NFIB: variants seen among roughly 807,000 people sequenced by gnomAD.
NFIB encodes nuclear factor I B.
A neutral mutation model predicts 61.5 loss-of-function variants in NFIB; 11 were observed. The observed-to-expected ratio is 0.18, with a 90% CI of 0.11 to 0.30. The LOEUF is 0.30. Among genes scored for constraint, NFIB ranks in the 10% least tolerant of loss-of-function variants. The pLI is 1.00. For missense variants in NFIB, 471 were observed against 608.9 expected (o/e 0.77, Z 2.38); for synonymous variants, 260 against 216.5 (o/e 1.20, Z -1.76).
intron 2 of NFIB, among the ~76,000 whole-genome samples, chr9:14,227,903 A>G (rs1012636723): frequency 6.6e-6 from 1 of 152,184 alleles, no homozygotes; most frequent in African/African-American, 2.4e-5. Context: ...GAAGTAATTC[A>G]TGTCTTATTA....
At chr9:14,251,243 T>C (rs1196254934) in intron 2 of NFIB, among the ~76,000 whole-genome samples, 1 of 152,176 alleles carries the variant, frequency 6.6e-6, no homozygotes, top group Admixed American at 6.5e-5. Flanking sequence ...AGAACCTCCC[T>C]CCAAGCTTTC....
chr9:14,314,770 A>C (rs1588289590), upstream of NFIB, among the ~76,000 whole-genome samples: 2 of 122,888 alleles, frequency 1.6e-5, no homozygotes, highest in African/African-American at 3.1e-5. Flanking sequence ...AAGGTATCCT[A>C]CCGGTGCTAC....
At chr9:14,114,076 G>A (rs2037782788) in intron 9 of NFIB, among the ~76,000 whole-genome samples, 1 of 152,126 alleles carries the variant, frequency 6.6e-6, no homozygotes, top group African/African-American at 2.4e-5. Context: ...GATTAATGAG[G>A]AATCCAGGCT....
intron 1 of NFIB, among the ~76,000 whole-genome samples, chr9:14,375,645 C>G (rs2061410266): frequency 6.6e-6 from 1 of 150,884 alleles, no homozygotes; most frequent in African/African-American, 2.4e-5. Context: ...GCAAAAAGAG[C>G]AAAAACTCCA....
chr9:14,373,658 G>A (rs4008017), intron 1 of NFIB, among the ~76,000 whole-genome samples: 1 of 151,742 alleles, frequency 6.6e-6, no homozygotes, highest in Non-Finnish European at 1.5e-5. Context: ...GTGTGTGTGT[G>A]TGTGTGTGTG....
At chr9:14,333,273 T>A (rs2060843633) in intron 1 of NFIB, among the ~76,000 whole-genome samples, 1 of 152,254 alleles carries the variant, frequency 6.6e-6, no homozygotes, top group Admixed American at 6.5e-5. Context: ...TGAGAAGATT[T>A]GTGTGCATAG....
intron 1 of NFIB, among the ~76,000 whole-genome samples, chr9:14,369,729 A>G (rs780854652): frequency 1.8e-4 from 28 of 152,150 alleles, no homozygotes; most frequent in Non-Finnish European, 3.7e-4. Flanking sequence ...CTACCTCAAA[A>G]AAGGTTTTCA....
chr9:14,278,460 T>C (rs2058153528), intron 2 of NFIB, among the ~76,000 whole-genome samples: 1 of 152,204 alleles, frequency 6.6e-6, no homozygotes, highest in Non-Finnish European at 1.5e-5. Flanking sequence ...GGCCATCCAA[T>C]GGTCTGAAAC....
the NFIB span, among the ~76,000 whole-genome samples, chr9:14,416,120 A>G: frequency 6.6e-6 from 1 of 152,250 alleles, no homozygotes; most frequent in Non-Finnish European, 1.5e-5. Context: ...GAAACAAGCT[A>G]TAAAACAAAG....
rs1411942953 is a variant in NFIB, at chr9:14,307,694, T to C, written c.31-174A>G. ...TCAAAATAACAGGACAAGAAGAAAGTAAAGTATGCCCAGCTGTCCCCTTTC... is the reference window on the plus strand; with the variant it reads ...TCAAAATAACAGGACAAGAAGAAAGCAAAGTATGCCCAGCTGTCCCCTTTC... On this transcript the variant is annotated intron_variant, in intron 1 of 10. Coordinates refer to ENST00000380953, the MANE Select transcript of NFIB (RefSeq NM_001190737.2). The surrounding 1 kb of genome is among the most constrained non-coding windows in gnomAD (Gnocchi z 5.3). Among the ~76,000 whole-genome samples the C allele has an allele frequency of 6.6e-6, 1 of 152,096 alleles. No individual in the cohort carries two copies. The highest frequency in any genetic ancestry group is 1.5e-5 in the Non-Finnish European group (1 of 68,006).
intron 2 of NFIB, among the ~76,000 whole-genome samples, chr9:14,239,499 G>A (rs2054133816): frequency 6.6e-6 from 1 of 152,154 alleles, no homozygotes; most frequent in Non-Finnish European, 1.5e-5. Flanking sequence ...ACTACCAGTT[G>A]TGTATGATCT....
chr9:14,312,238 C>T (rs1162510176), intron 1 of NFIB, among the ~76,000 whole-genome samples: 1 of 152,186 alleles, frequency 6.6e-6, no homozygotes, highest in East Asian at 1.9e-4. Flanking sequence ...TGCCTCAGTC[C>T]TTTTGAATCA....
At chr9:14,253,682 T>TA (rs947379667) in intron 2 of NFIB, among the ~76,000 whole-genome samples, 1 of 151,728 alleles carries the variant, frequency 6.6e-6, no homozygotes, top group South Asian at 2.1e-4. Flanking sequence ...AATTTTTTAA[T>TA]AAAAAAAAGA....
chr9:14,171,789 G>C (rs1314357744), intron 3 of NFIB, among the ~76,000 whole-genome samples: 2 of 152,228 alleles, frequency 1.3e-5, no homozygotes, highest in East Asian at 3.9e-4. Flanking sequence ...GACATCTAGG[G>C]AAACATGTCC....
the NFIB span, among the ~76,000 whole-genome samples, chr9:14,500,538 G>A: frequency 6.6e-6 from 1 of 152,062 alleles, no homozygotes; most frequent in African/African-American, 2.4e-5. Flanking sequence ...CTCTTATAAA[G>A]AGTCACACTG....
At chr9:14,278,383 T>C (rs887985431) in intron 2 of NFIB, among the ~76,000 whole-genome samples, 4 of 152,232 alleles carry the variant, frequency 2.6e-5, no homozygotes, top group Admixed American at 2.6e-4. Flanking sequence ...CAGCTGCTGT[T>C]ATTTGTCATA....
At chr9:14,397,439 T>G (rs1158179649) in intron 1 of NFIB, among the ~76,000 whole-genome samples, 2 of 152,218 alleles carry the variant, frequency 1.3e-5, no homozygotes, top group African/African-American at 4.8e-5. Flanking sequence ...GTGCTAATTT[T>G]GGAGAAAACA....
the NFIB span, among the ~76,000 whole-genome samples, chr9:14,483,372 T>C: frequency 6.6e-6 from 1 of 152,194 alleles, no homozygotes; most frequent in Non-Finnish European, 1.5e-5. Context: ...AAGCATATCT[T>C]TGCATACACA....
intron 1 of NFIB, among the ~76,000 whole-genome samples, chr9:14,390,344 C>T (rs1054267917): frequency 6.6e-6 from 1 of 152,074 alleles, no homozygotes; most frequent in Non-Finnish European, 1.5e-5. Context: ...ATGCCCAGAT[C>T]TAAATGGCTA....
Sources: gnomAD v4.1 joint callset for allele counts (sites outside exome capture counted in the v4.1 genomes callset) on GRCh38, gnomAD v4.1.1 for gene constraint, Gnocchi (gnomAD v3.1) non-coding constraint, MANE v1.5 for transcripts, NCBI Gene and HGNC (gene_info 2026-07-23, HGNC 2026-07-21) for gene names.